The following ATP10B variants were observed in gnomAD, a reference collection of about 807,000 sequenced individuals.
The protein encoded by ATP10B is phospholipid-transporting ATPase VB.
In ATP10B, 122 loss-of-function variants were observed where a neutral mutation model predicts 141.2. The observed-to-expected ratio is 0.86, with a 90% CI of 0.75 to 1.00. ATP10B has a LOEUF of 1.00. Among genes scored for constraint, ATP10B ranks in the 50% least tolerant of loss-of-function variants. The probability of loss-of-function intolerance (pLI) is 0.00; values close to 1 mark genes in which losing one functional copy is unlikely to be tolerated. For missense variants in ATP10B, 1,876 were observed against 1,825.3 expected (o/e 1.03, Z -0.51); for synonymous variants, 685 against 692.0 (o/e 0.99, Z 0.16).
intron 3 of ATP10B, among the ~76,000 whole-genome samples, chr5:160,706,247 C>T (rs1765006307): frequency 6.6e-6 from 1 of 152,178 alleles, no homozygotes; most frequent in South Asian, 2.1e-4. Context: ...CCAGCACATG[C>T]TGTTGGAAAA....
chr5:160,805,756 C>T (rs928645394), intron 1 of ATP10B, among the ~76,000 whole-genome samples: 4 of 152,142 alleles, frequency 2.6e-5, no homozygotes, highest in African/African-American at 9.7e-5. Flanking sequence ...TGTGTGTGAG[C>T]AGCCGGCTCC....
At chr5:160,873,967 T>C in the ATP10B span, among the ~76,000 whole-genome samples, 5 of 152,206 alleles carry the variant, frequency 3.3e-5, no homozygotes, top group Admixed American at 6.5e-5. Flanking sequence ...GAGGGGCGCC[T>C]GCCATTGCCC....
chr5:160,759,119 T>C (rs1186435229), intron 2 of ATP10B, among the ~76,000 whole-genome samples: 1 of 152,234 alleles, frequency 6.6e-6, no homozygotes, highest in Non-Finnish European at 1.5e-5. Context: ...GATTTAAGAA[T>C]CTGGAAAAGA....
At chr5:160,699,863 A>T (rs1764578548) in intron 3 of ATP10B, among the ~76,000 whole-genome samples, 1 of 152,130 alleles carries the variant, frequency 6.6e-6, no homozygotes, top group Non-Finnish European at 1.5e-5. Context: ...GAGATTTTTT[A>T]AAAAGTCAAT....
chr5:160,783,950 G>A (rs1005073384), intron 2 of ATP10B, among the ~76,000 whole-genome samples: 1 of 151,996 alleles, frequency 6.6e-6, no homozygotes, highest in African/African-American at 2.4e-5. Context: ...TTGCCTCTAT[G>A]CATATACACA....
In ATP10B at chr5:160,563,771, G is replaced by C. The variant is rs894968386; in HGVS notation, c.*1682C>G. Reference sequence around the variant, plus strand: ...AGCCAGAAATTGGGGGAAAAATTGAGGTACCTGAGATCCAAGTTTTGACTC... The same window carrying C: ...AGCCAGAAATTGGGGGAAAAATTGACGTACCTGAGATCCAAGTTTTGACTC... On this transcript the variant is annotated 3_prime_UTR_variant, in exon 26 of 26. Coordinates refer to ENST00000327245, the MANE Select transcript of ATP10B (RefSeq NM_025153.3). The C allele has an allele frequency of 6.6e-6, 1 of 152,074 alleles. No homozygotes were observed. The highest frequency in any genetic ancestry group is 1.5e-5 in the Non-Finnish European group (1 of 68,000). 9.4% of individuals were successfully genotyped at this position (152,074 alleles called of 1,614,324 possible).
At chr5:160,869,488 G>A in the ATP10B span, among the ~76,000 whole-genome samples, 1 of 151,808 alleles carries the variant, frequency 6.6e-6, no homozygotes, top group African/African-American at 2.4e-5. Flanking sequence ...GAAAAAAAAA[G>A]TCTTAGAATG....
the ATP10B span, among the ~76,000 whole-genome samples, chr5:160,921,270 CTTTG>C: frequency 4.1e-3 from 606 of 147,096 alleles, 6 homozygotes; most frequent in African/African-American, 0.013. Flanking sequence ...CTATTCAGCA[CTTTG>C]TTTTTTTTTT....
rs1162709500 is a variant in ATP10B at position 160,653,618 on chromosome 5, T to TAC, written c.676-4363_676-4362insGT. Among the ~76,000 whole-genome samples, 3 of 25,770 alleles carry TAC rather than the reference T, an allele frequency of 1.2e-4. 1 individual carries two copies. Among genetic ancestry groups the TAC allele is most frequent in the African/African-American group, 3.3e-4 (3 of 9,058 alleles). 16.9% of individuals were successfully genotyped at this position (25,770 alleles called of 152,430 possible). On this transcript the variant is annotated intron_variant, in intron 7 of 25. Coordinates refer to ENST00000327245, the MANE Select transcript of ATP10B (RefSeq NM_025153.3). ...ATATACATATATACATATATACATA[T>TAC]ATATTATATATACATATATACATAT...
chr5:160,740,132 G>C (rs1486910532), intron 2 of ATP10B, among the ~76,000 whole-genome samples: 2 of 152,212 alleles, frequency 1.3e-5, no homozygotes, highest in African/African-American at 4.8e-5. Context: ...CATATATACA[G>C]GTAGGATATC....
the ATP10B span, among the ~76,000 whole-genome samples, chr5:160,896,459 T>A: frequency 1.3e-5 from 2 of 152,136 alleles, no homozygotes; most frequent in African/African-American, 4.8e-5. Flanking sequence ...ATTGATAAAT[T>A]CCTGGACATA....
chr5:160,609,330 G>A (rs72816399), intron 18 of ATP10B, among the ~76,000 whole-genome samples: 3,397 of 151,846 alleles, frequency 0.022, 57 homozygotes, highest in Non-Finnish European at 0.032. Context: ...GGGGAACATT[G>A]ATCTAGAGAT....
At chr5:160,666,652 C>A (rs1232225710) in intron 7 of ATP10B, among the ~76,000 whole-genome samples, 1 of 152,134 alleles carries the variant, frequency 6.6e-6, no homozygotes, top group Non-Finnish European at 1.5e-5. Flanking sequence ...TTAGGGAAAT[C>A]CTATGGTACC....
chr5:160,605,552 G>A (rs1256528559), intron 19 of ATP10B, among the ~76,000 whole-genome samples: 2 of 152,150 alleles, frequency 1.3e-5, no homozygotes, highest in Non-Finnish European at 2.9e-5. Flanking sequence ...TTTCTGAAGA[G>A]GACAATTCCA....
At chr5:160,806,794 G>A (rs918902559) in intron 1 of ATP10B, among the ~76,000 whole-genome samples, 5 of 152,192 alleles carry the variant, frequency 3.3e-5, no homozygotes, top group African/African-American at 1.2e-4. Context: ...TCTGTAAATG[G>A]CAGAGTAAAG....
intron 1 of ATP10B, among the ~76,000 whole-genome samples, chr5:160,828,904 G>C (rs1439072049): frequency 1.4e-5 from 2 of 147,146 alleles, no homozygotes; most frequent in Non-Finnish European, 3.0e-5. Flanking sequence ...CATGTCATTT[G>C]TAGGGACATG....
intron 18 of ATP10B, 90 bp downstream of exon 18, chr5:160,612,651 C>A (rs761479299): frequency 1.6e-4 from 199 of 1,246,394 alleles, no homozygotes; most frequent in Non-Finnish European, 2.2e-4. Flanking sequence ...CTGGTGTACC[C>A]AAATCCCACC....
chr5:160,582,254 T>A (rs910001409), intron 24 of ATP10B, among the ~76,000 whole-genome samples: 2 of 152,196 alleles, frequency 1.3e-5, no homozygotes, highest in Non-Finnish European at 2.9e-5. Context: ...ATGGTCTTTA[T>A]AATTTGGTAT....
chr5:160,630,553 A>G (rs1460143736), intron 13 of ATP10B, among the ~76,000 whole-genome samples: 1 of 152,256 alleles, frequency 6.6e-6, no homozygotes, highest in Non-Finnish European at 1.5e-5. Flanking sequence ...AACGACACAC[A>G]GAATCTGTGC....
Sources: gnomAD v4.1 joint callset for allele counts (sites outside exome capture counted in the v4.1 genomes callset) on GRCh38, gnomAD v4.1.1 for gene constraint, MANE v1.5 for transcripts, NCBI Gene and HGNC (gene_info 2026-07-23, HGNC 2026-07-21) for gene names.